The following FNBP1L variants were observed in gnomAD, a reference collection of about 807,000 sequenced individuals.
FNBP1L encodes the protein formin binding protein 1 like.
In FNBP1L, 36 loss-of-function variants were observed where a neutral mutation model predicts 91.2. The ratio of observed to expected loss-of-function variants is 0.39; its 90% CI spans 0.30 to 0.52. FNBP1L has a LOEUF of 0.52. Ranked by LOEUF, FNBP1L falls within the 20% of genes least tolerant of loss-of-function variation. FNBP1L has a pLI of 0.66. For missense variants in FNBP1L, 571 were observed against 732.1 expected (o/e 0.78, Z 2.54); for synonymous variants, 242 against 237.0 (o/e 1.02, Z -0.19).
chr1:93,491,331 T>C (rs1670082412), intron 1 of FNBP1L, among the ~76,000 whole-genome samples: 1 of 152,114 alleles, frequency 6.6e-6, no homozygotes, highest in African/African-American at 2.4e-5. Flanking sequence ...TTCTCTCATG[T>C]TTCTGGAATT....
intron 1 of FNBP1L, among the ~76,000 whole-genome samples, chr1:93,451,422 GA>G (rs1259347799): frequency 1.3e-5 from 2 of 152,004 alleles, no homozygotes; most frequent in African/African-American, 4.8e-5. Context: ...GTATAAATAT[GA>G]AAAAAATATA....
rs1670509677 is a variant in FNBP1L at position 93,503,636 on chromosome 1, A to C, written c.140+4053A>C. Among the ~76,000 whole-genome samples the C allele has an allele frequency of 2.0e-5, 3 of 152,174 alleles. No individual in the cohort carries two copies. The South Asian group carries it at 6.2e-4, about 32-fold the overall frequency. On this transcript the variant is annotated intron_variant, in intron 2 of 16. Coordinates refer to ENST00000271234, the MANE Select transcript of FNBP1L (RefSeq NM_001164473.3). ...GATGGGAATAAATAGAAAATAAAGC[A>C]TCTAATTACATTTGGAGACATAGTT...
At chr1:93,483,189 C>T (rs1266637412) in intron 1 of FNBP1L, among the ~76,000 whole-genome samples, 4 of 27,144 alleles carry the variant, frequency 1.5e-4, no homozygotes, top group South Asian at 2.2e-3. Context: ...GACCCTGTCT[C>T]GAAAAAAAAA....
chr1:93,476,126 ACAT>A (rs1669486206), intron 1 of FNBP1L, among the ~76,000 whole-genome samples: 1 of 152,316 alleles, frequency 6.6e-6, no homozygotes, highest in East Asian at 1.9e-4. Flanking sequence ...GTGCATTAAA[ACAT>A]CATGTGAAAT....
rs748641273 is a variant in FNBP1L, at chr1:93,534,748, C to G, written c.830C>G (p.Pro277Arg). The G allele has an allele frequency of 6.4e-6, 10 of 1,572,052 alleles. No homozygotes were observed. In the South Asian group the frequency reaches 1.2e-4, roughly 18 times the overall value. The change falls in exon 9 of 17, where the codon CCT becomes CGT. Residue 277 changes from proline (P) to arginine (R), a missense_variant. By Grantham distance (103) the Pro-to-Arg change is moderately radical. Coordinates refer to ENST00000271234, the MANE Select transcript of FNBP1L (RefSeq NM_001164473.3). ...VVDSFKSGFE[P>R]PGDFPFEDYS... ...GACTCCTTCAAATCTGGTTTTGAACCTCCAGGAGACTTTCCATTTGAAGAT... is the reference window on the plus strand; with the variant it reads ...GACTCCTTCAAATCTGGTTTTGAACGTCCAGGAGACTTTCCATTTGAAGAT...
chr1:93,467,165 G>A (rs148756239), intron 1 of FNBP1L, among the ~76,000 whole-genome samples: 90 of 152,154 alleles, frequency 5.9e-4, no homozygotes, highest in African/African-American at 2.1e-3. Context: ...CCAAAAGTAG[G>A]GTCTTAAAGA....
chr1:93,461,083 T>C (rs1448727655), intron 1 of FNBP1L, among the ~76,000 whole-genome samples: 1 of 152,250 alleles, frequency 6.6e-6, no homozygotes, highest in Non-Finnish European at 1.5e-5. Context: ...AAGTATTTTA[T>C]GATTCCAGGA....
At chr1:93,518,185 T>C (rs1671197658) in intron 2 of FNBP1L, among the ~76,000 whole-genome samples, 1 of 152,194 alleles carries the variant, frequency 6.6e-6, no homozygotes. Flanking sequence ...TATTTAACTC[T>C]TCTATAGTGT....
rs1034023270 is a variant in FNBP1L, at chr1:93,448,380, C to G, written c.24+75C>G. 1.3e-5 allele frequency: 19 copies of G among 1,429,960 alleles called. No homozygotes were observed. The South Asian group carries it at 2.3e-4, about 17-fold the overall frequency. The allele number at this position is 1,429,960 out of a possible 1,614,324, so 88.6% of individuals were successfully genotyped here. On this transcript the variant is annotated intron_variant, in intron 1 of 16. Transcript: ENST00000271234. Reference sequence around the variant, plus strand: ...GCGGGTTGGGCGGGCGCCGCGGACCCTCGGCGGTGAAAGCGCGCTCCGCCG... The same window carrying G: ...GCGGGTTGGGCGGGCGCCGCGGACCGTCGGCGGTGAAAGCGCGCTCCGCCG...
At chr1:93,465,823 G>A (rs962391751) in intron 1 of FNBP1L, among the ~76,000 whole-genome samples, 11 of 152,198 alleles carry the variant, frequency 7.2e-5, no homozygotes, top group African/African-American at 2.4e-4. Flanking sequence ...CCCACCAACA[G>A]TGTAAAAGTG....
chr1:93,448,397 G>C, intron 1 of FNBP1L, 92 bp downstream of exon 1: 1 of 1,353,918 alleles, frequency 7.4e-7, no homozygotes, highest in Non-Finnish European at 9.7e-7. Context: ...GTGAAAGCGC[G>C]CTCCGCCGTC....
rs182923765 is a variant in FNBP1L at position 93,463,636 on chromosome 1, C to A, written c.24+15331C>A. ...CCAGTGATTTTCTCTGCCTGCCATC[C>A]ATTTGCTTAATCGTTTATTTCCAGT... On this transcript the variant is annotated intron_variant, in intron 1 of 16. Coordinates refer to ENST00000271234, the MANE Select transcript of FNBP1L (RefSeq NM_001164473.3). Among the ~76,000 whole-genome samples the A allele has an allele frequency of 1.2e-3, 185 of 152,250 alleles. 1 individual carries two copies. In the Middle Eastern group the frequency reaches 0.017, roughly 14 times the overall value.
At chr1:93,514,333 C>T (rs901295734) in intron 2 of FNBP1L, among the ~76,000 whole-genome samples, 1 of 151,642 alleles carries the variant, frequency 6.6e-6, no homozygotes, top group Non-Finnish European at 1.5e-5. Flanking sequence ...GTGAAAATGG[C>T]CATACTGCCC....
intron 1 of FNBP1L, among the ~76,000 whole-genome samples, chr1:93,488,950 G>A (rs1240975284): frequency 6.6e-6 from 1 of 152,204 alleles, no homozygotes; most frequent in Non-Finnish European, 1.5e-5. Flanking sequence ...GAGTGAGATG[G>A]TTAGGAGATG....
At chr1:93,479,396 A>G (rs1204351136) in intron 1 of FNBP1L, among the ~76,000 whole-genome samples, 2 of 152,234 alleles carry the variant, frequency 1.3e-5, no homozygotes, top group Non-Finnish European at 2.9e-5. Flanking sequence ...TGCACGTATT[A>G]TCTTGATAAA....
chr1:93,475,675 A>G (rs1669469987), intron 1 of FNBP1L, among the ~76,000 whole-genome samples: 1 of 152,254 alleles, frequency 6.6e-6, no homozygotes, highest in African/African-American at 2.4e-5. Flanking sequence ...TGTTAGATAA[A>G]TAAGCTGTAA....
chr1:93,490,323 G>C (rs1462540388), intron 1 of FNBP1L, among the ~76,000 whole-genome samples: 2 of 152,150 alleles, frequency 1.3e-5, no homozygotes, highest in Non-Finnish European at 1.5e-5. Context: ...TGTTGGTGCT[G>C]ATGCCAGCTT....
intron 1 of FNBP1L, among the ~76,000 whole-genome samples, chr1:93,450,393 T>A (rs1286583811): frequency 6.6e-6 from 1 of 152,208 alleles, no homozygotes; most frequent in Non-Finnish European, 1.5e-5. Context: ...TCTCCATATT[T>A]TAAGATTTTT....
At chr1:93,526,237 A>G (rs1453013827) in intron 5 of FNBP1L, among the ~76,000 whole-genome samples, 2 of 152,174 alleles carry the variant, frequency 1.3e-5, no homozygotes, top group African/African-American at 4.8e-5. Flanking sequence ...CAAGGCTCCA[A>G]GTAACAGAGC....
Sources: allele counts gnomAD v4.1 joint callset (sites outside exome capture counted in the v4.1 genomes callset), GRCh38; gene constraint gnomAD v4.1.1; transcripts MANE v1.5; gene names NCBI Gene and HGNC (gene_info 2026-07-23, HGNC 2026-07-21).